TRMT11: variants seen among roughly 807,000 people sequenced by gnomAD.
TRMT11 encodes tRNA methyltransferase 11.
A neutral mutation model predicts 62.8 loss-of-function variants in TRMT11; 53 were observed. That is an observed-to-expected ratio of 0.84 (90% CI 0.68 to 1.06). The LOEUF (loss-of-function observed/expected upper bound fraction) is 1.06, where lower values mean the gene tolerates loss of function less well. Ranked by LOEUF, TRMT11 falls within the 50% of genes least tolerant of loss-of-function variation. The probability of loss-of-function intolerance (pLI) is 0.00; values close to 1 mark genes in which losing one functional copy is unlikely to be tolerated. For missense variants in TRMT11, 556 were observed against 553.4 expected (o/e 1.00, Z -0.05); for synonymous variants, 188 against 190.3 (o/e 0.99, Z 0.10).
At chr6:126,243,819 A>G in the TRMT11 span, among the ~76,000 whole-genome samples, 1 of 152,206 alleles carries the variant, frequency 6.6e-6, no homozygotes, top group Non-Finnish European at 1.5e-5. Flanking sequence ...GCATTAGGAG[A>G]TATACCTAAT....
intron 1 of TRMT11, among the ~76,000 whole-genome samples, chr6:126,196,817 C>T (rs910060173): frequency 1.3e-5 from 2 of 151,866 alleles, no homozygotes; most frequent in Non-Finnish European, 1.5e-5. Context: ...AACTGTAATG[C>T]CATTAAATTT....
intron 21 of TRMT11, among the ~76,000 whole-genome samples, chr6:126,121,065 A>G (rs548934563): frequency 6.6e-6 from 1 of 152,084 alleles, no homozygotes; most frequent in African/African-American, 2.4e-5. Context: ...TATTGCCCCC[A>G]ATTGGTGTGA....
At chr6:126,014,466 G>A (rs1017290355) in intron 11 of TRMT11, among the ~76,000 whole-genome samples, 1 of 152,076 alleles carries the variant, frequency 6.6e-6, no homozygotes, top group Admixed American at 6.6e-5. Flanking sequence ...GGCCAGGCTG[G>A]TCTTGAACTC....
chr6:126,151,814 C>CTT (rs1430194091), intron 21 of TRMT11, among the ~76,000 whole-genome samples: 2 of 90,702 alleles, frequency 2.2e-5, no homozygotes, highest in Non-Finnish European at 4.7e-5. Context: ...TCTTTTCTTT[C>CTT]TTTCTTTCTT....
chr6:126,189,200 A>T (rs1442830706), intron 1 of TRMT11, among the ~76,000 whole-genome samples: 1 of 152,120 alleles, frequency 6.6e-6, no homozygotes, highest in Non-Finnish European at 1.5e-5. Flanking sequence ...AATGCAGGAT[A>T]ATTGCTTACC....
the TRMT11 span, among the ~76,000 whole-genome samples, chr6:126,249,403 T>C: frequency 6.6e-6 from 1 of 152,082 alleles, no homozygotes; most frequent in African/African-American, 2.4e-5. Context: ...CAGTGTCCAA[T>C]CACACTACTT....
intron 17 of TRMT11, among the ~76,000 whole-genome samples, chr6:126,054,435 T>G (rs1268119): frequency 6.6e-6 from 1 of 152,106 alleles, no homozygotes; most frequent in East Asian, 1.9e-4. Flanking sequence ...ATAAGTACAG[T>G]AGAAACCTTC....
chr6:126,011,114 C>T lies in TRMT11; in HGVS notation c.761-139C>T, dbSNP rs564391931. ...ATTAAAATAACTATTTACTTGTATACATAAAATTAAGATTTTAAATGAAAG... is the reference window on the plus strand; with the variant it reads ...ATTAAAATAACTATTTACTTGTATATATAAAATTAAGATTTTAAATGAAAG... On this transcript the variant is annotated intron_variant, in intron 8 of 12. Coordinates refer to ENST00000334379, the MANE Select transcript of TRMT11 (RefSeq NM_001031712.3). The T allele has an allele frequency of 2.2e-4, 136 of 622,956 alleles. No homozygotes were observed. The African/African-American group carries it at 2.4e-3, about 11-fold the overall frequency. 38.6% of individuals were successfully genotyped at this position (622,956 alleles called of 1,614,324 possible).
At chr6:126,048,589 T>C (rs7753399) in intron 16 of TRMT11, among the ~76,000 whole-genome samples, 88,349 of 152,016 alleles carry the variant, frequency 0.58, 27,363 homozygotes, top group East Asian at 0.94. Flanking sequence ...GCTAGCACCA[T>C]CCAGATTGCC....
chr6:126,150,636 G>A (rs1562334375), intron 21 of TRMT11, among the ~76,000 whole-genome samples: 1 of 152,174 alleles, frequency 6.6e-6, no homozygotes, highest in African/African-American at 2.4e-5. Context: ...CTGAAGGCAT[G>A]GATTGTCTGT....
At chr6:126,202,603 C>T (rs1450412595), downstream of TRMT11, among the ~76,000 whole-genome samples, 1 of 151,954 alleles carries the variant, frequency 6.6e-6, no homozygotes, top group Non-Finnish European at 1.5e-5. Context: ...CAGCCCATCG[C>T]CTGATTTCTT....
intron 11 of TRMT11, among the ~76,000 whole-genome samples, chr6:126,019,134 C>T (rs1023943447): frequency 6.6e-6 from 1 of 152,124 alleles, no homozygotes; most frequent in Non-Finnish European, 1.5e-5. Context: ...CCTGCCTTGG[C>T]CTCCCAAAGC....
the TRMT11 span, among the ~76,000 whole-genome samples, chr6:126,232,964 C>T: frequency 6.6e-6 from 1 of 152,030 alleles, no homozygotes; most frequent in Admixed American, 6.6e-5. Context: ...TGTTTGAATT[C>T]TCTTTTGATG....
At chr6:126,137,963 C>G (rs564212616) in intron 21 of TRMT11, among the ~76,000 whole-genome samples, 39 of 151,552 alleles carry the variant, frequency 2.6e-4, no homozygotes, top group African/African-American at 8.9e-4. Flanking sequence ...CAGAGGCTGT[C>G]AAGAGAAGGT....
At chr6:126,088,273 C>T (rs866637745) in intron 17 of TRMT11, among the ~76,000 whole-genome samples, 1 of 152,032 alleles carries the variant, frequency 6.6e-6, no homozygotes, top group African/African-American at 2.4e-5. Context: ...AGACTGTGAC[C>T]GTCTTCATCA....
chr6:126,034,494 T>C (rs938843790), intron 12 of TRMT11, among the ~76,000 whole-genome samples: 3 of 152,126 alleles, frequency 2.0e-5, no homozygotes, highest in African/African-American at 4.8e-5. Flanking sequence ...CTACAGAAAC[T>C]CTTCTGATTA....
intron 21 of TRMT11, among the ~76,000 whole-genome samples, chr6:126,160,699 C>T (rs1778179764): frequency 6.6e-6 from 1 of 152,156 alleles, no homozygotes; most frequent in Non-Finnish European, 1.5e-5. Flanking sequence ...ACCACCCTCA[C>T]AGACATGACG....
intron 21 of TRMT11, among the ~76,000 whole-genome samples, chr6:126,130,570 T>A (rs1211687094): frequency 9.5e-6 from 1 of 104,962 alleles, no homozygotes; most frequent in Non-Finnish European, 2.0e-5. Flanking sequence ...GTTCCTTGTA[T>A]GTTTTACTGT....
chr6:126,246,982 A>C, the TRMT11 span, among the ~76,000 whole-genome samples: 6 of 152,190 alleles, frequency 3.9e-5, no homozygotes, highest in Non-Finnish European at 7.3e-5. Context: ...TGAAGGTAGA[A>C]GTCATGCTGC....
Sources: gnomAD v4.1 joint callset for allele counts (sites outside exome capture counted in the v4.1 genomes callset) on GRCh38, gnomAD v4.1.1 for gene constraint, MANE v1.5 for transcripts, NCBI Gene and HGNC (gene_info 2026-07-23, HGNC 2026-07-21) for gene names.